Variants in TAB2 observed in about 807,000 individuals in gnomAD.
TAB2 encodes TGF-beta activated kinase 1 (MAP3K7) binding protein 2, also known as TGF-beta-activated kinase 1 and MAP3K7-binding protein 2.
Under a neutral mutation model 65.0 loss-of-function variants are expected in TAB2, and 3 were observed. The observed-to-expected ratio is 0.05, with a 90% confidence interval of 0.02 to 0.12. TAB2 has a LOEUF of 0.12. Among genes scored for constraint, TAB2 ranks in the 10% least tolerant of loss-of-function variants. TAB2 has a pLI of 1.00. For synonymous variants in TAB2, 298 were observed against 285.1 expected, an observed-to-expected ratio of 1.05 and a Z score of -0.46; for missense variants, 623 against 840.3, an observed-to-expected ratio of 0.74 and a Z score of 3.20.
At chr6:149,394,074 A>G (rs1782086239) in intron 3 of TAB2, among the ~76,000 whole-genome samples, 1 of 151,638 alleles carries the variant, frequency 6.6e-6, no homozygotes, top group African/African-American at 2.4e-5. Flanking sequence ...TTTGCCAGTT[A>G]CACATAGACT....
At chr6:149,307,997 T>TG (rs1779099214) in intron 1 of TAB2, among the ~76,000 whole-genome samples, 1 of 152,198 alleles carries the variant, frequency 6.6e-6, no homozygotes, top group African/African-American at 2.4e-5. Flanking sequence ...GAAATCTACC[T>TG]CCTTCCTGTA....
chr6:149,292,167 G>A (rs945866284), intron 1 of TAB2, among the ~76,000 whole-genome samples: 7 of 152,214 alleles, frequency 4.6e-5, no homozygotes, highest in African/African-American at 1.7e-4. Flanking sequence ...TTTGCAGAAT[G>A]TAAGTATAAG....
intron 1 of TAB2, among the ~76,000 whole-genome samples, chr6:149,271,680 C>G (rs1260272017): frequency 6.6e-6 from 1 of 152,220 alleles, no homozygotes; most frequent in East Asian, 1.9e-4. Flanking sequence ...CAATCATGTG[C>G]TCTGCTTAAA....
intron 1 of TAB2, among the ~76,000 whole-genome samples, chr6:149,287,215 T>C (rs1402126295): frequency 1.3e-5 from 2 of 152,356 alleles, no homozygotes; most frequent in South Asian, 2.1e-4. Context: ...CAAAACAATA[T>C]ATTGACATGA....
intron 1 of TAB2, among the ~76,000 whole-genome samples, chr6:149,357,538 T>C (rs1780706008): frequency 6.6e-6 from 1 of 151,868 alleles, no homozygotes; most frequent in South Asian, 2.1e-4. Flanking sequence ...ACATTATACA[T>C]TGTTTAATTT....
chr6:149,279,722 T>A (rs1214972696), intron 1 of TAB2, among the ~76,000 whole-genome samples: 1 of 152,218 alleles, frequency 6.6e-6, no homozygotes, highest in Non-Finnish European at 1.5e-5. Flanking sequence ...GTTCCTTTAT[T>A]TAGTTTCCAT....
chr6:149,265,565 C>G (rs1778248128), intron 1 of TAB2, among the ~76,000 whole-genome samples: 1 of 152,160 alleles, frequency 6.6e-6, no homozygotes, highest in Non-Finnish European at 1.5e-5. Flanking sequence ...CCCCACCTCC[C>G]CTGCAACCAC....
At chr6:149,405,818 T>G (rs979849947) in intron 6 of TAB2, among the ~76,000 whole-genome samples, 1 of 152,124 alleles carries the variant, frequency 6.6e-6, no homozygotes, top group African/African-American at 2.4e-5. Flanking sequence ...TCTGGAGATC[T>G]AGTGTACAAC....
At chr6:149,387,311 C>T (rs1269352678) in intron 3 of TAB2, among the ~76,000 whole-genome samples, 1 of 152,128 alleles carries the variant, frequency 6.6e-6, no homozygotes, top group African/African-American at 2.4e-5. Flanking sequence ...AAGAATCCAA[C>T]TTCATTCTTT....
chr6:149,219,306 T>TGTGTGTGTG, intron 1 of TAB2, among the ~76,000 whole-genome samples: 1 of 146,222 alleles, frequency 6.8e-6, no homozygotes, highest in South Asian at 2.2e-4. Flanking sequence ...ATTTTAACAT[T>TGTGTGTGTG]TGTGTGTGTG....
intron 1 of TAB2, among the ~76,000 whole-genome samples, chr6:149,340,128 T>C (rs543901314): frequency 6.6e-6 from 1 of 152,276 alleles, no homozygotes; most frequent in East Asian, 1.9e-4. Flanking sequence ...TCTTTTAAGT[T>C]TCATCAAGTA....
chr6:149,346,714 A>G (rs1780318028), intron 1 of TAB2: 1 of 152,130 alleles, frequency 6.6e-6, no homozygotes, highest in Admixed American at 6.5e-5. Context: ...TCGACCTCCC[A>G]AAGTGCTGGG....
chr6:149,392,003 A>C (rs1782003693), intron 3 of TAB2, among the ~76,000 whole-genome samples: 1 of 152,160 alleles, frequency 6.6e-6, no homozygotes, highest in Admixed American at 6.6e-5. Context: ...ATAGTGTCTT[A>C]AAATCTCTTA....
intron 1 of TAB2, among the ~76,000 whole-genome samples, chr6:149,349,858 C>T (rs1780432153): frequency 1.3e-5 from 2 of 152,096 alleles, no homozygotes; most frequent in South Asian, 4.1e-4. Context: ...ATCCACTTGA[C>T]ATACACTAAG....
chr6:149,397,708 A>C lies in TAB2; in HGVS notation c.1708A>C (p.Asn570His). Residue 570 changes from asparagine (N) to histidine (H), a missense_variant, in exon 4 of 7, where the codon AAT becomes CAT. Asn to His is a moderately conservative substitution (Grantham distance 68, BLOSUM62 1). Coordinates refer to ENST00000637181, the MANE Select transcript of TAB2 (RefSeq NM_001292034.3). The stretch of plus-strand genomic sequence containing the variant: ...AAAATCTGAGGTTAATGAAATGGAA[A>C]ATAATCTAACTCGAAGGCGCCTGAA... The part of the protein sequence containing the change: ...KLKSEVNEME[N>H]NLTRRRLKRS... The C allele has an allele frequency of 6.2e-7, 1 of 1,614,088 alleles. No homozygotes were observed. The highest frequency in any genetic ancestry group is 8.5e-7 in the Non-Finnish European group (1 of 1,180,012).
At chr6:149,357,427 AAAAAC>A (rs1444406975) in intron 1 of TAB2, among the ~76,000 whole-genome samples, 17 of 136,248 alleles carry the variant, frequency 1.2e-4, no homozygotes, top group African/African-American at 5.4e-4. Flanking sequence ...AGGAGAAAAA[AAAAAC>A]ACACACACAC....
chr6:149,307,945 C>G (rs1290731321), intron 1 of TAB2, among the ~76,000 whole-genome samples: 2 of 152,164 alleles, frequency 1.3e-5, no homozygotes, highest in African/African-American at 2.4e-5. Context: ...GACAAACACC[C>G]ACATTTTTAA....
intron 1 of TAB2, among the ~76,000 whole-genome samples, chr6:149,298,417 T>G (rs1458126900): frequency 6.6e-6 from 1 of 152,142 alleles, no homozygotes; most frequent in Non-Finnish European, 1.5e-5. Context: ...GGCTTGAGCC[T>G]GGAGTTTGAG....
chr6:149,268,903 T>C (rs898518723), intron 1 of TAB2, among the ~76,000 whole-genome samples: 1 of 152,220 alleles, frequency 6.6e-6, no homozygotes, highest in African/African-American at 2.4e-5. Flanking sequence ...TCGATCTTTT[T>C]CATATCAAAT....
Sources: allele counts gnomAD v4.1 joint callset (sites outside exome capture counted in the v4.1 genomes callset), GRCh38; gene constraint gnomAD v4.1.1; transcripts MANE v1.5; gene names NCBI Gene and HGNC (gene_info 2026-07-23, HGNC 2026-07-21).